CPLANE1: variants seen among roughly 807,000 people sequenced by gnomAD.
The protein encoded by CPLANE1 is ciliogenesis and planar polarity effector complex subunit 1.
CPLANE1 carries 263 observed loss-of-function variants against 362.5 expected under a neutral mutation model. The observed-to-expected ratio is 0.73, with a 90% CI of 0.66 to 0.80. CPLANE1 has a LOEUF of 0.80. Among genes scored for constraint, CPLANE1 ranks in the 30% least tolerant of loss-of-function variants. The pLI, the probability that CPLANE1 is intolerant of heterozygous loss-of-function variation, is 0.00. For missense variants in CPLANE1, 3,461 were observed against 3,793.4 expected, an observed-to-expected ratio of 0.91 and a Z score of 2.30; for synonymous variants, 1,212 against 1,302.6, an observed-to-expected ratio of 0.93 and a Z score of 1.50.
chr5:37,222,639 T>C (rs930149544), intron 14 of CPLANE1, among the ~76,000 whole-genome samples: 2 of 152,224 alleles, frequency 1.3e-5, no homozygotes, highest in Non-Finnish European at 2.9e-5. Context: ...ATGGAACTCA[T>C]TACAAAAACT....
chr5:37,194,659 T>A (rs909142153), intron 21 of CPLANE1, among the ~76,000 whole-genome samples: 3 of 138,366 alleles, frequency 2.2e-5, no homozygotes, highest in Admixed American at 7.1e-5. Flanking sequence ...AGAATAAACT[T>A]TTTTTTTTTT....
At chr5:37,247,810 T>TG in intron 1 of CPLANE1, 65 bp from the exon 2 acceptor site, 1 of 1,285,986 alleles carries the variant, frequency 7.8e-7, no homozygotes, top group Non-Finnish European at 1.0e-6. Flanking sequence ...TTTTTTTTTT[T>TG]TTTTGAGACA....
At chr5:37,149,390 T>C (rs1160968101) in intron 42 of CPLANE1, among the ~76,000 whole-genome samples, 1 of 152,190 alleles carries the variant, frequency 6.6e-6, no homozygotes, top group Non-Finnish European at 1.5e-5. Context: ...ACAATGTAAA[T>C]GTTAACTATT....
At position 37,148,216 on chromosome 5, in the gene CPLANE1, G is replaced by GT. The variant is rs775263897; in HGVS notation, c.8425dup (p.Thr2809AsnfsTer8). On this transcript the variant is annotated frameshift_variant, in exon 43 of 53. Coordinates refer to ENST00000651892, the MANE Select transcript of CPLANE1 (RefSeq NM_001384732.1). LOFTEE classifies it high-confidence loss of function. ...AATGCTAATGGTTTTTGAAGCTAAT[G>GT]TTTTTTTGAATTCAGGGCCAGAAGA... is the stretch of plus-strand genomic sequence containing the variant. The GT allele has an allele frequency of 5.6e-6, 9 of 1,612,726 alleles. No homozygotes were observed. The highest frequency in any genetic ancestry group is 7.6e-6 in the Non-Finnish European group (9 of 1,179,296).
At chr5:37,165,805 G>C in intron 35 of CPLANE1, 134 bp from the exon 36 acceptor site, 1 of 769,642 alleles carries the variant, frequency 1.3e-6, no homozygotes. Flanking sequence ...AATTAAATTG[G>C]CAAGATATTC....
At chr5:37,246,081 T>G (rs145037689) in intron 2 of CPLANE1, 8 of 289,334 alleles carry the variant, frequency 2.8e-5, no homozygotes, top group Non-Finnish European at 5.0e-5. Flanking sequence ...TATTTCAATT[T>G]CTTTGAAGTT....
At chr5:37,118,751 G>C (rs1761786760) in intron 50 of CPLANE1, among the ~76,000 whole-genome samples, 1 of 147,044 alleles carries the variant, frequency 6.8e-6, no homozygotes, top group Non-Finnish European at 1.5e-5. Context: ...GTCTCACTCT[G>C]TCGCCAAGCT....
In CPLANE1 at chr5:37,243,028, A is replaced by G. The variant is rs370118778; in HGVS notation, c.662T>C (p.Val221Ala). ...TFLAIRWHEN[V>A]FTSVRSLPYH... ...TTTACCTCACCTTACAGATGTAAATACATTCTCATGCCACCGAATTGCTAG... is the reference window on the plus strand; with the variant it reads ...TTTACCTCACCTTACAGATGTAAATGCATTCTCATGCCACCGAATTGCTAG... The change falls in exon 6 of 53, where the codon GTA becomes GCA. Residue 221 changes from valine (V) to alanine (A), a missense_variant. Transcript: ENST00000651892. The G allele has an allele frequency of 3.2e-4, 490 of 1,541,016 alleles. 8 individuals are homozygous for G. The South Asian group carries it at 5.0e-3, about 16-fold the overall frequency.
chr5:37,243,174 A>T, intron 5 of CPLANE1, 55 bp from the exon 6 acceptor site: 1 of 968,290 alleles, frequency 1.0e-6, no homozygotes, highest in Non-Finnish European at 1.5e-6. Context: ...ATAAATCAAG[A>T]TACTAAAATA....
intron 14 of CPLANE1, among the ~76,000 whole-genome samples, chr5:37,222,495 C>T (rs1231309509): frequency 2.0e-5 from 3 of 152,240 alleles, no homozygotes; most frequent in Non-Finnish European, 2.9e-5. Context: ...CAGCCCCAAA[C>T]TGCAACTTCT....
intron 46 of CPLANE1, among the ~76,000 whole-genome samples, chr5:37,132,420 C>T (rs1269099401): frequency 2.1e-5 from 3 of 141,422 alleles, no homozygotes; most frequent in Non-Finnish European, 4.5e-5. Context: ...TCTCGGCTCA[C>T]TGCAAGCTCC....
intron 31 of CPLANE1, 28 bp downstream of exon 31, chr5:37,175,880 TA>T: frequency 6.8e-7 from 1 of 1,477,284 alleles, no homozygotes; most frequent in Non-Finnish European, 9.4e-7. Flanking sequence ...CAACTATTTT[TA>T]AATGGTATAG....
rs771880001 is a variant in CPLANE1 at position 37,208,685 on chromosome 5, C to A, written c.2921-2260G>T. ...GAGCAAGACTCTGTCTCCCCCCCCCCCCAAAAAAAAAAAAGAGTTCAGCTT... is the reference window on the plus strand; with the variant it reads ...GAGCAAGACTCTGTCTCCCCCCCCCACCAAAAAAAAAAAAGAGTTCAGCTT... On this transcript the variant is annotated intron_variant, in intron 16 of 52. Coordinates refer to ENST00000651892, the MANE Select transcript of CPLANE1 (RefSeq NM_001384732.1). Among the ~76,000 whole-genome samples, 25 of 122,346 alleles carry A rather than the reference C, an allele frequency of 2.0e-4. 2 individuals carry two copies. In the East Asian group the frequency reaches 3.1e-3, roughly 15 times the overall value. 80.3% of individuals were successfully genotyped at this position (122,346 alleles called of 152,430 possible).
At chr5:37,172,096 GC>G (rs1779967325) in intron 32 of CPLANE1, among the ~76,000 whole-genome samples, 2 of 152,044 alleles carry the variant, frequency 1.3e-5, no homozygotes, top group African/African-American at 4.8e-5. Flanking sequence ...ACAGGTATGA[GC>G]CACCTCTTAT....
At chr5:37,216,767 C>T (rs1431152057) in intron 15 of CPLANE1, among the ~76,000 whole-genome samples, 1 of 152,124 alleles carries the variant, frequency 6.6e-6, no homozygotes, top group East Asian at 1.9e-4. Flanking sequence ...TAGATAAATA[C>T]TAGGATAACA....
chr5:37,177,720 C>G lies in CPLANE1; in HGVS notation c.5821-20G>C, dbSNP rs756002474. On this transcript the variant is annotated intron_variant, in intron 29 of 52. Transcript: ENST00000651892. Reference sequence around the variant, plus strand: ...GAACTCCTGTTAAAATGAATAGTACCCAAAAAGAAAACAGGTAAAACAAAT... The same window carrying G: ...GAACTCCTGTTAAAATGAATAGTACGCAAAAAGAAAACAGGTAAAACAAAT... 3 of 1,589,936 alleles carry G rather than the reference C, an allele frequency of 1.9e-6. No individual in the cohort carries two copies. The highest frequency in any genetic ancestry group is 1.7e-6 in the Non-Finnish European group (2 of 1,160,826).
chr5:37,183,895 A>G (rs942165313), intron 25 of CPLANE1, among the ~76,000 whole-genome samples, 196 bp from the exon 26 acceptor site: 1 of 152,176 alleles, frequency 6.6e-6, no homozygotes, highest in African/African-American at 2.4e-5. Flanking sequence ...TTCTACTATG[A>G]GATCAAAAAA....
At chr5:37,140,864 T>C in intron 44 of CPLANE1, 8 of 981,426 alleles carry the variant, frequency 8.2e-6, no homozygotes, top group Non-Finnish European at 9.7e-6. Context: ...ACTTTTTTTT[T>C]TTTTCTAGCT....
chr5:37,190,887 G>A (rs150777419), intron 21 of CPLANE1, among the ~76,000 whole-genome samples: 396 of 152,162 alleles, frequency 2.6e-3, no homozygotes, highest in African/African-American at 9.2e-3. Context: ...ATTATATACA[G>A]TACATAATAC....
Sources: gnomAD v4.1 joint callset for allele counts (sites outside exome capture counted in the v4.1 genomes callset) on GRCh38, gnomAD v4.1.1 for gene constraint, MANE v1.5 for transcripts, NCBI Gene and HGNC (gene_info 2026-07-23, HGNC 2026-07-21) for gene names.